Variants in MTHFD2L observed in about 807,000 individuals in gnomAD.
MTHFD2L encodes methylenetetrahydrofolate dehydrogenase (NADP+ dependent) 2 like, also known as bifunctional methylenetetrahydrofolate dehydrogenase/cyclohydrolase 2, mitochondrial.
A neutral mutation model predicts 34.9 loss-of-function variants in MTHFD2L; 29 were observed. The observed-to-expected ratio is 0.83, with a 90% CI of 0.62 to 1.13. The LOEUF (loss-of-function observed/expected upper bound fraction) is 1.13. Ranked by LOEUF, MTHFD2L falls within the 50% of genes most tolerant of loss-of-function variation. MTHFD2L has a pLI of 0.00. For synonymous variants in MTHFD2L, 167 were observed against 155.7 expected, an observed-to-expected ratio of 1.07 and a Z score of -0.54; for missense variants, 481 against 446.5, an observed-to-expected ratio of 1.08 and a Z score of -0.70.
intron 6 of MTHFD2L, among the ~76,000 whole-genome samples, chr4:74,244,277 T>C (rs1742112933): frequency 6.6e-6 from 1 of 152,174 alleles, no homozygotes; most frequent in African/African-American, 2.4e-5. Flanking sequence ...GAGTGGGTAG[T>C]CTTCACTTGG....
chr4:74,143,378 A>G (rs891714446), intron 1 of MTHFD2L: 1 of 982,796 alleles, frequency 1.0e-6, no homozygotes, highest in Admixed American at 6.1e-5. Flanking sequence ...TTGTGACCTT[A>G]TTCTTTTTGT....
At position 74,145,300 on chromosome 4, in the gene MTHFD2L, T is replaced by C. The variant is rs558487131; in HGVS notation, c.-296-14755T>C. On this transcript the variant is annotated intron_variant, in intron 1 of 7. Transcript: ENST00000433372. Reference sequence around the variant, plus strand: ...ATACTGTACAACTATTTACATAGCATATACATTGTATTGATATTATAAGTA... The same window carrying C: ...ATACTGTACAACTATTTACATAGCACATACATTGTATTGATATTATAAGTA... 6.6e-4 allele frequency among the ~76,000 whole-genome samples: 101 copies of C among 152,204 alleles called. No individual in the cohort carries two copies. The South Asian group carries it at 0.02, about 31-fold the overall frequency.
At chr4:74,294,291 G>A (rs1298258384) in intron 7 of MTHFD2L, among the ~76,000 whole-genome samples, 2 of 152,060 alleles carry the variant, frequency 1.3e-5, no homozygotes, top group African/African-American at 4.8e-5. Context: ...TGGGACCTTT[G>A]GAGTATATAT....
At chr4:74,229,916 T>A (rs1439673079) in intron 6 of MTHFD2L, among the ~76,000 whole-genome samples, 1 of 152,182 alleles carries the variant, frequency 6.6e-6, no homozygotes, top group Non-Finnish European at 1.5e-5. Context: ...ATAGTTGTTA[T>A]CTTCATTAGA....
At chr4:74,198,608 A>G (rs1015843659) in intron 3 of MTHFD2L, among the ~76,000 whole-genome samples, 1 of 152,114 alleles carries the variant, frequency 6.6e-6, no homozygotes, top group East Asian at 1.9e-4. Flanking sequence ...ATTTTTTTTA[A>G]AAAAGAACCA....
chr4:74,120,139 C>T (rs1721728589), upstream of MTHFD2L, among the ~76,000 whole-genome samples: 1 of 152,192 alleles, frequency 6.6e-6, no homozygotes, highest in Non-Finnish European at 1.5e-5. Flanking sequence ...TTGATTTTGC[C>T]TGCTGCTAAG....
chr4:74,190,133 G>A (rs574537978), intron 3 of MTHFD2L, among the ~76,000 whole-genome samples: 6 of 152,208 alleles, frequency 3.9e-5, no homozygotes, highest in African/African-American at 1.4e-4. Context: ...TTCTCCTTGT[G>A]TGTTTAAAAG....
At chr4:74,294,627 T>G (rs1749407341) in intron 7 of MTHFD2L, among the ~76,000 whole-genome samples, 1 of 152,132 alleles carries the variant, frequency 6.6e-6, no homozygotes, top group Admixed American at 6.6e-5. Flanking sequence ...ACCCTTGGAT[T>G]TTTTTGGAGG....
chr4:74,279,872 CATT>C (rs1747205975), intron 6 of MTHFD2L, among the ~76,000 whole-genome samples: 2 of 152,062 alleles, frequency 1.3e-5, no homozygotes, highest in African/African-American at 4.8e-5. Flanking sequence ...TCTGTTACAT[CATT>C]ATGAGACTAA....
At chr4:74,262,950 A>G (rs1194192694) in intron 6 of MTHFD2L, among the ~76,000 whole-genome samples, 8 of 151,970 alleles carry the variant, frequency 5.3e-5, no homozygotes, top group Admixed American at 5.3e-4. Flanking sequence ...AATTGAAAGC[A>G]GCTAAAACAT....
intron 3 of MTHFD2L, among the ~76,000 whole-genome samples, chr4:74,176,170 T>C (rs963618435): frequency 1.3e-5 from 2 of 152,048 alleles, no homozygotes; most frequent in African/African-American, 2.4e-5. Context: ...GTGTGATGGA[T>C]TCACCCTCAT....
At chr4:74,191,364 G>GTT (rs111235954) in intron 3 of MTHFD2L, among the ~76,000 whole-genome samples, 19 of 144,730 alleles carry the variant, frequency 1.3e-4, no homozygotes, top group East Asian at 6.0e-4. Context: ...TTACCTGGTC[G>GTT]TTTTTTTTTT....
At chr4:74,227,455 C>T (rs1462990544) in intron 6 of MTHFD2L, among the ~76,000 whole-genome samples, 2 of 152,096 alleles carry the variant, frequency 1.3e-5, no homozygotes, top group African/African-American at 2.4e-5. Context: ...CCGACAGAAG[C>T]AGATCTGTAT....
At chr4:74,201,134 T>A in intron 4 of MTHFD2L, 129 bp from the exon 5 acceptor site, 1 of 613,086 alleles carries the variant, frequency 1.6e-6, no homozygotes, top group Non-Finnish European at 2.8e-6. Context: ...GTGCTCATAT[T>A]ATAGATAAGC....
chr4:74,213,814 T>G (rs1354813973), intron 5 of MTHFD2L, among the ~76,000 whole-genome samples: 1 of 152,210 alleles, frequency 6.6e-6, no homozygotes, highest in Non-Finnish European at 1.5e-5. Context: ...CCAACTTGGT[T>G]CCATTCTCCC....
upstream of MTHFD2L, among the ~76,000 whole-genome samples, chr4:74,121,840 C>G (rs1721780723): frequency 6.6e-6 from 1 of 151,722 alleles, no homozygotes; most frequent in Non-Finnish European, 1.5e-5. Context: ...GAAAAATAGT[C>G]TTCTATGAAA....
chr4:74,274,117 G>A (rs1373067271), intron 6 of MTHFD2L, among the ~76,000 whole-genome samples: 1 of 151,956 alleles, frequency 6.6e-6, no homozygotes, highest in Non-Finnish European at 1.5e-5. Context: ...TTCCCAAAGT[G>A]CTGGGATTAC....
chr4:74,262,693 T>C (rs1160790994), intron 6 of MTHFD2L, among the ~76,000 whole-genome samples: 1 of 151,878 alleles, frequency 6.6e-6, no homozygotes, highest in African/African-American at 2.4e-5. Context: ...ACACATCAGA[T>C]TGGCAAAAAA....
upstream of MTHFD2L, among the ~76,000 whole-genome samples, chr4:74,122,721 A>G (rs1721824049): frequency 2.0e-5 from 3 of 152,214 alleles, no homozygotes; most frequent in South Asian, 2.1e-4. Flanking sequence ...TTGAATCTGC[A>G]TTGGATCCTG....
Sources: allele counts gnomAD v4.1 joint callset (sites outside exome capture counted in the v4.1 genomes callset), GRCh38; gene constraint gnomAD v4.1.1; transcripts MANE v1.5; gene names NCBI Gene and HGNC (gene_info 2026-07-23, HGNC 2026-07-21).